ZC3H8: variants seen among roughly 807,000 people sequenced by gnomAD.
ZC3H8 encodes zinc finger CCCH-type containing 8, also known as zinc finger CCCH domain-containing protein 8.
Under a neutral mutation model 42.5 loss-of-function variants are expected in ZC3H8, and 27 were observed. The ratio of observed to expected loss-of-function variants is 0.64; its 90% CI spans 0.47 to 0.88. The LOEUF (loss-of-function observed/expected upper bound fraction) is 0.88. Among genes scored for constraint, ZC3H8 ranks in the 40% least tolerant of loss-of-function variants. ZC3H8 has a pLI of 0.00. For missense variants in ZC3H8, 277 were observed against 336.1 expected (o/e 0.82, Z 1.37); for synonymous variants, 101 against 110.1 (o/e 0.92, Z 0.52).
chr2:112,220,193 T>C (rs951438175), intron 8 of ZC3H8, among the ~76,000 whole-genome samples: 5 of 152,186 alleles, frequency 3.3e-5, no homozygotes, highest in African/African-American at 9.7e-5. Context: ...TGTCATAACA[T>C]TGTTAGCTGG....
chr2:112,250,299 A>G (rs1271796998), intron 1 of ZC3H8, 27 bp from the exon 2 acceptor site: 4 of 1,525,380 alleles, frequency 2.6e-6, no homozygotes, highest in Admixed American at 4.2e-5. Flanking sequence ...AAATAACACA[A>G]AAGAGTTTTT....
chr2:112,239,270 T>C (rs888197020), intron 2 of ZC3H8, among the ~76,000 whole-genome samples: 15 of 152,220 alleles, frequency 9.9e-5, no homozygotes, highest in African/African-American at 3.6e-4. Flanking sequence ...GTTACATGTG[T>C]TTCTACACTT....
intron 1 of ZC3H8, among the ~76,000 whole-genome samples, chr2:112,251,600 C>A (rs1318956277): frequency 6.6e-6 from 1 of 152,208 alleles, no homozygotes; most frequent in Admixed American, 6.5e-5. Context: ...CTGCTCCATA[C>A]ACGTAACACT....
chr2:112,245,751 AAAC>A (rs1480623015), intron 2 of ZC3H8, among the ~76,000 whole-genome samples: 2 of 152,218 alleles, frequency 1.3e-5, no homozygotes, highest in Non-Finnish European at 2.9e-5. Flanking sequence ...TGGCCACACT[AAAC>A]AACAGATTTT....
chr2:112,253,928 G>C (rs555858549), intron 1 of ZC3H8: 50 of 164,554 alleles, frequency 3.0e-4, no homozygotes, highest in African/African-American at 1.1e-3. Context: ...TGAGAAGCTT[G>C]GTGATAAAAT....
chr2:112,216,440 T>TA lies in ZC3H8; in HGVS notation c.*43dup, dbSNP rs1684324325. The TA allele has an allele frequency of 6.6e-6, 1 of 152,256 alleles. No homozygotes were observed. The highest frequency in any genetic ancestry group is 6.5e-5 in the Admixed American group (1 of 15,282). The allele number at this position is 152,256 out of a possible 1,614,324, so 9.4% of individuals were successfully genotyped here. On this transcript the variant is annotated 3_prime_UTR_variant, in exon 9 of 9. Coordinates refer to ENST00000409573, the MANE Select transcript of ZC3H8 (RefSeq NM_032494.3). ...AACAGTCTTGAACACGCATGGGCGTTAAAGTACTCTTTATCTGTACATTGC... is the reference window on the plus strand; with the variant it reads ...AACAGTCTTGAACACGCATGGGCGTTAAAAGTACTCTTTATCTGTACATTGC...
At chr2:112,241,826 T>A (rs542393442) in intron 2 of ZC3H8, among the ~76,000 whole-genome samples, 1 of 152,366 alleles carries the variant, frequency 6.6e-6, no homozygotes, top group South Asian at 2.1e-4. Flanking sequence ...CATTTGTTTT[T>A]AATATTTTGA....
intron 8 of ZC3H8, among the ~76,000 whole-genome samples, chr2:112,219,096 A>G (rs1437309245): frequency 6.6e-6 from 1 of 152,204 alleles, no homozygotes; most frequent in Non-Finnish European, 1.5e-5. Context: ...AAATAGAAAA[A>G]TCTGTCTTAA....
At chr2:112,242,296 C>T (rs1018415349) in intron 2 of ZC3H8, among the ~76,000 whole-genome samples, 2 of 152,166 alleles carry the variant, frequency 1.3e-5, no homozygotes. Flanking sequence ...AAGAATATTT[C>T]ATGACACTTG....
At position 112,254,966 on chromosome 2, in the gene ZC3H8, G is replaced by C; in HGVS notation, c.16C>G (p.Leu6Val). 6.2e-7 allele frequency: 1 copy of C among 1,611,732 alleles called. No individual in the cohort carries two copies. Among genetic ancestry groups the C allele is most frequent in the Non-Finnish European group, 8.5e-7 (1 of 1,179,084 alleles). Residue 6 changes from leucine (L) to valine (V), a missense_variant, in exon 1 of 9, where the codon CTT (leucine) becomes GTT (valine). Physicochemically the swap from Leu to Val is conservative, Grantham distance 32. Coordinates refer to ENST00000409573, the MANE Select transcript of ZC3H8 (RefSeq NM_032494.3). MDFEN[L>V]FSKPPNPALG... is the part of the protein sequence containing the mutation. ...GCCGGGTTGGGGGGTTTTGAGAAAA[G>C]ATTCTCAAAATCCATGACCCAGACA...
chr2:112,248,187 GT>G (rs1685821524), intron 2 of ZC3H8, among the ~76,000 whole-genome samples: 1 of 151,994 alleles, frequency 6.6e-6, no homozygotes, highest in Non-Finnish European at 1.5e-5. Context: ...TTAGCCAGGT[GT>G]GGTGGCGTGT....
chr2:112,251,986 G>A (rs983182858), intron 1 of ZC3H8, among the ~76,000 whole-genome samples: 3 of 152,028 alleles, frequency 2.0e-5, no homozygotes, highest in Non-Finnish European at 2.9e-5. Flanking sequence ...TCCTTTGTTG[G>A]TTCCTTATCT....
intron 8 of ZC3H8, among the ~76,000 whole-genome samples, chr2:112,225,798 CAG>C (rs1406445234): frequency 6.6e-6 from 1 of 152,136 alleles, no homozygotes; most frequent in Non-Finnish European, 1.5e-5. Flanking sequence ...GCCTGGACAA[CAG>C]AGTGAGCATG....
At chr2:112,219,129 A>G (rs1684471924) in intron 8 of ZC3H8, among the ~76,000 whole-genome samples, 1 of 152,226 alleles carries the variant, frequency 6.6e-6, no homozygotes, top group Non-Finnish European at 1.5e-5. Context: ...ATCTGAAGGA[A>G]CAAATAGCCA....
At chr2:112,225,292 G>T (rs1684769793) in intron 8 of ZC3H8, among the ~76,000 whole-genome samples, 1 of 152,062 alleles carries the variant, frequency 6.6e-6, no homozygotes, top group Non-Finnish European at 1.5e-5. Context: ...ATAATAAAAT[G>T]TTATCAAAAG....
intron 2 of ZC3H8, among the ~76,000 whole-genome samples, chr2:112,249,333 G>A (rs1021897110): frequency 6.6e-6 from 1 of 152,208 alleles, no homozygotes; most frequent in African/African-American, 2.4e-5. Context: ...TAGGGGAGAT[G>A]AATGAATAGA....
chr2:112,222,233 G>A (rs1336072977), intron 8 of ZC3H8, among the ~76,000 whole-genome samples: 2 of 152,108 alleles, frequency 1.3e-5, no homozygotes, highest in African/African-American at 4.8e-5. Context: ...TGACAGATAG[G>A]TTGTATCCTT....
At chr2:112,239,933 G>A (rs1036731178) in intron 2 of ZC3H8, among the ~76,000 whole-genome samples, 1 of 152,162 alleles carries the variant, frequency 6.6e-6, no homozygotes, top group Non-Finnish European at 1.5e-5. Context: ...TGTTCCACCA[G>A]AGGATTGATT....
intron 2 of ZC3H8, among the ~76,000 whole-genome samples, chr2:112,238,893 T>C (rs1685462906): frequency 6.6e-6 from 1 of 152,258 alleles, no homozygotes; most frequent in Admixed American, 6.5e-5. Context: ...ACATTACATT[T>C]CTGCCTTTGC....
Sources: allele counts gnomAD v4.1 joint callset (sites outside exome capture counted in the v4.1 genomes callset), GRCh38; gene constraint gnomAD v4.1.1; transcripts MANE v1.5; gene names NCBI Gene and HGNC (gene_info 2026-07-23, HGNC 2026-07-21).